NALF1: variants seen among roughly 807,000 people sequenced by gnomAD.
NALF1 encodes the protein NALCN channel auxiliary factor 1.
Under a neutral mutation model 48.4 loss-of-function variants are expected in NALF1, and 3 were observed. That is an observed-to-expected ratio of 0.06 (90% CI 0.03 to 0.16). NALF1 has a LOEUF of 0.16. Ranked by LOEUF, NALF1 falls within the 10% of genes least tolerant of loss-of-function variation. The pLI is 1.00. For synonymous variants in NALF1, 262 were observed against 245.7 expected (o/e 1.07, Z -0.62); for missense variants, 526 against 571.5 (o/e 0.92, Z 0.81).
intron 1 of NALF1, among the ~76,000 whole-genome samples, chr13:107,553,202 G>A (rs949480260): frequency 1.3e-5 from 2 of 152,084 alleles, no homozygotes; most frequent in Non-Finnish European, 2.9e-5. Context: ...ATTTAGAAAC[G>A]CATTGCTAAA....
At chr13:107,325,765 T>C (rs1053617928) in intron 1 of NALF1, among the ~76,000 whole-genome samples, 4 of 149,188 alleles carry the variant, frequency 2.7e-5, no homozygotes, top group Non-Finnish European at 3.0e-5. Flanking sequence ...TGCTTGAACC[T>C]GGTAGGCGGA....
intron 1 of NALF1, among the ~76,000 whole-genome samples, chr13:107,480,008 G>C (rs1382741484): frequency 6.6e-6 from 1 of 151,958 alleles, no homozygotes; most frequent in Non-Finnish European, 1.5e-5. Context: ...AGTAATTTCT[G>C]GCTTGATATA....
In NALF1 at chr13:107,866,187, T is replaced by C. The variant is rs1167417705; in HGVS notation, c.410A>G (p.Asp137Gly). The change falls in exon 1 of 3, where the codon GAC becomes GGC. Residue 137 changes from aspartate to glycine, a missense_variant. Around this residue, in one of 2 missense-constraint regions of NALF1, gnomAD observed 373 missense variants for 355.5 expected, o/e 1.05. Coordinates refer to ENST00000375915, the MANE Select transcript of NALF1 (RefSeq NM_001080396.3). This position sits in a 1 kb window ranked among gnomAD's most constrained non-coding sequence, Gnocchi z 4.4. The stretch of plus-strand genomic sequence containing the variant: ...GCCCTTGCCGCCGCCGCCGCCGCCG[T>C]CTCCCGGGGAGGGGGGCAGGGTGGG... ...SSPTLPPSPG[D>G]GGGGGGKGNR... 2 of 1,602,576 alleles carry C rather than the reference T, an allele frequency of 1.2e-6. 1 individual carries two copies. Among genetic ancestry groups the C allele is most frequent in the South Asian group, 2.2e-5 (2 of 89,788 alleles).
chr13:107,416,174 ATT>A (rs369522653), intron 1 of NALF1, among the ~76,000 whole-genome samples: 1 of 143,678 alleles, frequency 7.0e-6, no homozygotes, highest in Non-Finnish European at 1.5e-5. Context: ...GCCCGGCTAA[ATT>A]TTTTTTTTTT....
intron 1 of NALF1, among the ~76,000 whole-genome samples, chr13:107,486,811 T>C (rs1885336965): frequency 6.6e-6 from 1 of 152,220 alleles, no homozygotes; most frequent in South Asian, 2.1e-4. Context: ...TTTTGGATAT[T>C]GAAGGGAGTT....
chr13:107,581,098 A>G (rs981249477), intron 1 of NALF1, among the ~76,000 whole-genome samples: 2 of 152,320 alleles, frequency 1.3e-5, no homozygotes, highest in East Asian at 1.9e-4. Flanking sequence ...AAAATTTAAA[A>G]ATAGAGTTAC....
At chr13:107,276,870 A>G (rs1204050972) in intron 1 of NALF1, among the ~76,000 whole-genome samples, 1 of 152,192 alleles carries the variant, frequency 6.6e-6, no homozygotes, top group Non-Finnish European at 1.5e-5. Flanking sequence ...AAGAATTTTA[A>G]CTACTAGATA....
At chr13:107,412,299 C>T (rs964083175) in intron 1 of NALF1, among the ~76,000 whole-genome samples, 4 of 152,110 alleles carry the variant, frequency 2.6e-5, no homozygotes, top group Non-Finnish European at 5.9e-5. Flanking sequence ...GAGTTAGATA[C>T]TATTATCACT....
intron 1 of NALF1, among the ~76,000 whole-genome samples, chr13:107,837,118 C>T (rs919827890): frequency 3.3e-5 from 5 of 152,252 alleles, no homozygotes; most frequent in Admixed American, 2.0e-4. Context: ...CACCAGCTAC[C>T]GGTTACATGC....
At chr13:107,324,104 C>CA (rs1282771619) in intron 1 of NALF1, among the ~76,000 whole-genome samples, 2 of 151,916 alleles carry the variant, frequency 1.3e-5, no homozygotes, top group African/African-American at 4.8e-5. Flanking sequence ...CAAATGAAAA[C>CA]AAAAAATATT....
chr13:107,458,354 T>C (rs1401570839), intron 1 of NALF1, among the ~76,000 whole-genome samples: 1 of 151,836 alleles, frequency 6.6e-6, no homozygotes, highest in African/African-American at 2.4e-5. Context: ...TCAACAAGAG[T>C]GCTAAAAATA....
At chr13:107,212,493 C>G (rs1207483416) in intron 1 of NALF1, among the ~76,000 whole-genome samples, 2 of 152,130 alleles carry the variant, frequency 1.3e-5, no homozygotes, top group Non-Finnish European at 2.9e-5. Context: ...GCTGTGTGCC[C>G]CAGGAGGACA....
At chr13:107,397,100 A>C (rs2138987908) in intron 1 of NALF1, among the ~76,000 whole-genome samples, 1 of 152,306 alleles carries the variant, frequency 6.6e-6, no homozygotes, top group Non-Finnish European at 1.5e-5. Flanking sequence ...TCTGGCATGC[A>C]GCTCAGTTGA....
chr13:107,182,877 A>G (rs1879095869), intron 2 of NALF1, among the ~76,000 whole-genome samples: 1 of 152,188 alleles, frequency 6.6e-6, no homozygotes, highest in Non-Finnish European at 1.5e-5. Flanking sequence ...TATTGAACAG[A>G]AATTCACTGG....
intron 1 of NALF1, among the ~76,000 whole-genome samples, chr13:107,605,722 A>G (rs1566411913): frequency 6.6e-6 from 1 of 152,216 alleles, no homozygotes; most frequent in Non-Finnish European, 1.5e-5. Flanking sequence ...TTTTCCAAAG[A>G]GCTAGACAAG....
At chr13:107,502,551 T>C (rs767903905) in intron 1 of NALF1, among the ~76,000 whole-genome samples, 8 of 152,124 alleles carry the variant, frequency 5.3e-5, no homozygotes, top group Non-Finnish European at 1.0e-4. Context: ...TCACCACAGG[T>C]TACCTTGAAC....
intron 2 of NALF1, among the ~76,000 whole-genome samples, chr13:107,174,875 T>TTTTC (rs1878886096): frequency 6.6e-6 from 1 of 150,890 alleles, no homozygotes; most frequent in South Asian, 2.1e-4. Flanking sequence ...ATCAACAATC[T>TTTTC]TTTCTTTTTC....
intron 1 of NALF1, among the ~76,000 whole-genome samples, chr13:107,629,393 A>T (rs1010316021): frequency 6.6e-6 from 1 of 152,164 alleles, no homozygotes; most frequent in African/African-American, 2.4e-5. Context: ...TCTCTATGGC[A>T]TGGAATCATA....
In NALF1 at chr13:107,200,918, C is replaced by T. The variant is rs149240666; in HGVS notation, c.1087+9666G>A. On this transcript the variant is annotated intron_variant, in intron 2 of 2. Transcript: ENST00000375915. ...GTTCCTACTCATTGGTGGCATCAGA[C>T]GTAACTCTGAGGTTGAACCTTAAGG... Among the ~76,000 whole-genome samples, 16 of 152,250 alleles carry T rather than the reference C, an allele frequency of 1.1e-4. No individual in the cohort carries two copies. In the East Asian group the frequency reaches 1.4e-3, roughly 13 times the overall value.
Sources: gnomAD v4.1 joint callset for allele counts (sites outside exome capture counted in the v4.1 genomes callset) on GRCh38, gnomAD v4.1.1 for gene constraint, gnomAD v4.1.1 regional missense constraint, Gnocchi (gnomAD v3.1) non-coding constraint, MANE v1.5 for transcripts, NCBI Gene and HGNC (gene_info 2026-07-23, HGNC 2026-07-21) for gene names.